The following SIL1 variants were observed in gnomAD, a reference collection of about 807,000 sequenced individuals.
SIL1 encodes the protein nucleotide exchange factor SIL1.
Under a neutral mutation model 49.1 loss-of-function variants are expected in SIL1, and 40 were observed. The observed-to-expected ratio is 0.81, with a 90% CI of 0.63 to 1.06. SIL1 has a LOEUF of 1.06. Ranked by LOEUF, SIL1 falls within the 50% of genes least tolerant of loss-of-function variation. The probability of loss-of-function intolerance (pLI) is 0.00; values close to 1 mark genes in which losing one functional copy is unlikely to be tolerated. For synonymous variants in SIL1, 253 were observed against 250.8 expected (o/e 1.01, Z -0.08); for missense variants, 500 against 572.6 (o/e 0.87, Z 1.29).
intron 1 of SIL1, among the ~76,000 whole-genome samples, chr5:139,168,940 C>T (rs1408977193): frequency 7.2e-6 from 1 of 138,484 alleles, no homozygotes; most frequent in Non-Finnish European, 1.5e-5. Context: ...CCAGCCTGGG[C>T]AATGAAGACC....
intron 3 of SIL1, among the ~76,000 whole-genome samples, chr5:139,099,160 G>A (rs1770532929): frequency 6.6e-6 from 1 of 151,992 alleles, no homozygotes; most frequent in Non-Finnish European, 1.5e-5. Flanking sequence ...TGGCAAACGG[G>A]TATATGAAAA....
At position 139,186,989 on chromosome 5, in the gene SIL1, T is replaced by A. The variant is rs552925422; in HGVS notation, c.-11+11280A>T. Among the ~76,000 whole-genome samples the A allele has an allele frequency of 2.0e-5, 3 of 152,344 alleles. No individual in the cohort carries two copies. The South Asian group carries it at 6.2e-4, about 32-fold the overall frequency. On this transcript the variant is annotated intron_variant, in intron 1 of 9. Coordinates refer to ENST00000394817, the MANE Select transcript of SIL1 (RefSeq NM_022464.5). ...TTTCAACAGGATTGTTATCATTTCT[T>A]AAGTTTTCATGTAAACATCCATTCA... is the stretch of plus-strand genomic sequence containing the variant.
At chr5:139,130,874 G>C (rs1320416240) in intron 1 of SIL1, among the ~76,000 whole-genome samples, 1 of 152,148 alleles carries the variant, frequency 6.6e-6, no homozygotes, top group Non-Finnish European at 1.5e-5. Context: ...AGACACAAAA[G>C]CTCAGATATT....
intron 3 of SIL1, among the ~76,000 whole-genome samples, chr5:139,094,896 T>G (rs1359194844): frequency 2.6e-5 from 4 of 152,356 alleles, no homozygotes; most frequent in African/African-American, 9.6e-5. Context: ...ATCAAAACCA[T>G]GATAGTTTGC....
At position 139,184,887 on chromosome 5, in the gene SIL1, T is replaced by C. The variant is rs189220665; in HGVS notation, c.-11+13382A>G. 7.4e-4 allele frequency among the ~76,000 whole-genome samples: 113 copies of C among 152,266 alleles called. 1 individual carries two copies. In the East Asian group the frequency reaches 0.019, roughly 26 times the overall value. On this transcript the variant is annotated intron_variant, in intron 1 of 9. Transcript: ENST00000394817. ...TCTACAGCGACTGGGTCCAGTTGTT[T>C]ACAGAGAAATCCATATGTCAGGAAT... is the stretch of plus-strand genomic sequence containing the variant.
At chr5:139,094,222 G>C (rs773029994) in intron 3 of SIL1, among the ~76,000 whole-genome samples, 1 of 152,158 alleles carries the variant, frequency 6.6e-6, no homozygotes, top group African/African-American at 2.4e-5. Flanking sequence ...AATCTCAAAA[G>C]AGAAACAAAG....
chr5:139,044,269 G>T (rs1769104917), intron 4 of SIL1, among the ~76,000 whole-genome samples: 1 of 152,126 alleles, frequency 6.6e-6, no homozygotes, highest in Non-Finnish European at 1.5e-5. Context: ...GCCAATGTGT[G>T]AGGATACCAC....
intron 7 of SIL1, among the ~76,000 whole-genome samples, chr5:138,964,829 T>C (rs1268098260): frequency 2.6e-5 from 4 of 152,260 alleles, no homozygotes; most frequent in African/African-American, 9.6e-5. Context: ...AAGTGTGAAC[T>C]GACATATGCA....
At chr5:139,030,830 A>G (rs1229137170) in intron 5 of SIL1, among the ~76,000 whole-genome samples, 1 of 152,136 alleles carries the variant, frequency 6.6e-6, no homozygotes, top group Non-Finnish European at 1.5e-5. Flanking sequence ...TTTAAATTAC[A>G]GTGTGCTAAA....
chr5:139,186,197 T>A (rs565650201), intron 1 of SIL1, among the ~76,000 whole-genome samples: 1 of 152,158 alleles, frequency 6.6e-6, no homozygotes, highest in African/African-American at 2.4e-5. Flanking sequence ...TTGCTTTTCA[T>A]AGCCCAGTGA....
chr5:139,050,808 T>C (rs1359539620), intron 4 of SIL1, 130 bp downstream of exon 4: 1 of 789,860 alleles, frequency 1.3e-6, no homozygotes, highest in Non-Finnish European at 2.2e-6. Flanking sequence ...CCTGACAGAT[T>C]TATCACAAAT....
At chr5:139,003,227 C>G (rs1399992865) in intron 7 of SIL1, among the ~76,000 whole-genome samples, 2 of 152,146 alleles carry the variant, frequency 1.3e-5, no homozygotes, top group South Asian at 2.1e-4. Flanking sequence ...CTCCCACCCC[C>G]CAACTCCCAA....
intron 1 of SIL1, among the ~76,000 whole-genome samples, chr5:139,178,745 A>G (rs188166008): frequency 6.6e-6 from 1 of 152,082 alleles, no homozygotes; most frequent in African/African-American, 2.4e-5. Flanking sequence ...TCTTTCTTTC[A>G]ATACACTTAT....
At chr5:139,126,107 A>AT (rs1269301683) in intron 2 of SIL1, among the ~76,000 whole-genome samples, 1 of 152,152 alleles carries the variant, frequency 6.6e-6, no homozygotes, top group Non-Finnish European at 1.5e-5. Context: ...CATAATTTAG[A>AT]TTTTAAATGA....
chr5:139,027,526 T>C (rs898661765), intron 5 of SIL1, among the ~76,000 whole-genome samples: 3 of 152,226 alleles, frequency 2.0e-5, no homozygotes, highest in African/African-American at 7.2e-5. Flanking sequence ...GTCATTACTG[T>C]CAATCTAACC....
intron 7 of SIL1, among the ~76,000 whole-genome samples, chr5:138,981,506 TGA>T (rs1285616446): frequency 6.6e-6 from 1 of 152,220 alleles, no homozygotes; most frequent in East Asian, 1.9e-4. Context: ...GAGTATTTCA[TGA>T]GAGTCATTTC....
At chr5:139,175,701 G>T (rs765249715) in intron 1 of SIL1, among the ~76,000 whole-genome samples, 3 of 152,082 alleles carry the variant, frequency 2.0e-5, no homozygotes, top group Non-Finnish European at 4.4e-5. Flanking sequence ...GGTGGCTCAC[G>T]CCTGTAATCC....
At chr5:139,175,905 G>A (rs979842614) in intron 1 of SIL1, among the ~76,000 whole-genome samples, 1 of 152,220 alleles carries the variant, frequency 6.6e-6, no homozygotes, top group East Asian at 1.9e-4. Flanking sequence ...GGAGGTTGCA[G>A]TGAGCCACGA....
At chr5:139,134,129 G>C (rs911395075) in intron 1 of SIL1, among the ~76,000 whole-genome samples, 1 of 152,118 alleles carries the variant, frequency 6.6e-6, no homozygotes, top group African/African-American at 2.4e-5. Context: ...TGTTTTGTTT[G>C]TTTTCTGAGA....
Sources: gnomAD v4.1 joint callset for allele counts (sites outside exome capture counted in the v4.1 genomes callset) on GRCh38, gnomAD v4.1.1 for gene constraint, MANE v1.5 for transcripts, NCBI Gene and HGNC (gene_info 2026-07-23, HGNC 2026-07-21) for gene names.